Variants in AOPEP observed in about 807,000 individuals in gnomAD.
AOPEP encodes aminopeptidase O.
In AOPEP, 77 loss-of-function variants were observed where a neutral mutation model predicts 98.1. The ratio of observed to expected loss-of-function variants is 0.78; its 90% CI spans 0.65 to 0.95. AOPEP has a LOEUF of 0.95. Among genes scored for constraint, AOPEP ranks in the 40% least tolerant of loss-of-function variants. The pLI is 0.00. For missense variants in AOPEP, 1,024 were observed against 1,024.7 expected (o/e 1.00, Z 0.01); for synonymous variants, 346 against 365.3 (o/e 0.95, Z 0.60).
chr9:94,945,753 C>T (rs1261475821), intron 7 of AOPEP, among the ~76,000 whole-genome samples: 1 of 152,190 alleles, frequency 6.6e-6, no homozygotes, highest in Non-Finnish European at 1.5e-5. Context: ...TCAAAACGGG[C>T]TTCGAGCCTC....
At chr9:94,728,869 C>A (rs919936830) in intron 1 of AOPEP, among the ~76,000 whole-genome samples, 1 of 152,158 alleles carries the variant, frequency 6.6e-6, no homozygotes, top group Admixed American at 6.5e-5. Flanking sequence ...TGTGGAAGTT[C>A]TTGTGTGATG....
At chr9:94,739,165 T>C (rs765999309) in intron 1 of AOPEP, among the ~76,000 whole-genome samples, 1 of 151,998 alleles carries the variant, frequency 6.6e-6, no homozygotes, top group Non-Finnish European at 1.5e-5. Context: ...CACCCACCCA[T>C]CTCCTGGAAT....
chr9:95,094,695 C>A, the AOPEP span, among the ~76,000 whole-genome samples: 1 of 152,200 alleles, frequency 6.6e-6, no homozygotes, highest in Admixed American at 6.5e-5. Context: ...GAGACAGAGT[C>A]TCACTCTGCT....
At chr9:95,099,253 T>TATC in the AOPEP span, 2 of 219,060 alleles carry the variant, frequency 9.1e-6, no homozygotes, top group Non-Finnish European at 1.8e-5. Flanking sequence ...AAAACTAAAC[T>TATC]ATCAGGGAGA....
the AOPEP span, among the ~76,000 whole-genome samples, chr9:95,112,055 G>A: frequency 9.8e-5 from 15 of 152,318 alleles, 1 homozygote; most frequent in African/African-American, 2.4e-4. Context: ...CTGACAAGAC[G>A]CAAAGTTCAG....
chr9:94,753,963 GA>G (rs928308883), intron 1 of AOPEP, among the ~76,000 whole-genome samples: 1 of 152,140 alleles, frequency 6.6e-6, no homozygotes, highest in African/African-American at 2.4e-5. Context: ...TTGCAATCAA[GA>G]AAATTTTCAA....
chr9:95,116,084 C>A, the AOPEP span, among the ~76,000 whole-genome samples: 1 of 152,258 alleles, frequency 6.6e-6, no homozygotes, highest in African/African-American at 2.4e-5. Flanking sequence ...CATAAATCTA[C>A]AAGTTACACA....
intron 5 of AOPEP, among the ~76,000 whole-genome samples, chr9:94,872,014 GA>G (rs11394330): frequency 2.0e-5 from 3 of 151,480 alleles, no homozygotes; most frequent in Admixed American, 2.0e-4. Context: ...TCTCAAAGAA[GA>G]AAAAAAAGAC....
chr9:94,792,438 C>A (rs545043502), intron 3 of AOPEP, among the ~76,000 whole-genome samples: 1 of 151,996 alleles, frequency 6.6e-6, no homozygotes, highest in Non-Finnish European at 1.5e-5. Flanking sequence ...ATGAATGAGA[C>A]GTATTCTGTC....
At chr9:94,921,392 A>C (rs2053602351) in intron 5 of AOPEP, 3 of 152,264 alleles carry the variant, frequency 2.0e-5, no homozygotes. Flanking sequence ...GTGGGTGGAC[A>C]TGGGTAGATT....
At chr9:94,939,649 C>T (rs563806338) in intron 7 of AOPEP, among the ~76,000 whole-genome samples, 1 of 152,336 alleles carries the variant, frequency 6.6e-6, no homozygotes, top group South Asian at 2.1e-4. Flanking sequence ...TACCTGATCT[C>T]ATGTGATGGT....
chr9:94,815,842 CT>C (rs2134067720), intron 5 of AOPEP, among the ~76,000 whole-genome samples: 1 of 152,266 alleles, frequency 6.6e-6, no homozygotes, highest in African/African-American at 2.4e-5. Flanking sequence ...ACACTGGGTC[CT>C]TTCAGCCTTT....
chr9:95,073,524 C>T (rs1378877038), intron 14 of AOPEP, among the ~76,000 whole-genome samples: 1 of 151,388 alleles, frequency 6.6e-6, no homozygotes, highest in African/African-American at 2.4e-5. Flanking sequence ...GGGGCTCCCG[C>T]CTGTAATCCC....
chr9:94,916,710 T>TA (rs1554767812), intron 5 of AOPEP, among the ~76,000 whole-genome samples: 3 of 143,088 alleles, frequency 2.1e-5, no homozygotes, highest in African/African-American at 8.3e-5. Context: ...AAAAAAAAAA[T>TA]TAAATAAATA....
At chr9:94,792,454 AG>A (rs1845931840) in intron 3 of AOPEP, among the ~76,000 whole-genome samples, 1 of 152,092 alleles carries the variant, frequency 6.6e-6, no homozygotes, top group Non-Finnish European at 1.5e-5. Context: ...CTGTCTCTGT[AG>A]GAGCATACAG....
At chr9:95,050,120 G>A (rs1473329516) in intron 13 of AOPEP, among the ~76,000 whole-genome samples, 2 of 152,160 alleles carry the variant, frequency 1.3e-5, no homozygotes, top group Admixed American at 1.3e-4. Context: ...AGTTTCTGTC[G>A]TGATGGGCAG....
chr9:95,021,851 G>C (rs1257889414), intron 13 of AOPEP: 1 of 152,232 alleles, frequency 6.6e-6, no homozygotes, highest in East Asian at 1.9e-4. Context: ...CCCAGGGAGA[G>C]GCTCAGTGGG....
At chr9:94,790,285 G>GC (rs1845419548) in intron 3 of AOPEP, among the ~76,000 whole-genome samples, 1 of 151,966 alleles carries the variant, frequency 6.6e-6, no homozygotes, top group South Asian at 2.1e-4. Flanking sequence ...TCCTGCCTCA[G>GC]CCTCCCGAGT....
intron 1 of AOPEP, among the ~76,000 whole-genome samples, chr9:94,737,294 A>G (rs1267944077): frequency 6.6e-6 from 1 of 152,078 alleles, no homozygotes; most frequent in Non-Finnish European, 1.5e-5. Flanking sequence ...TCTTTTGTAG[A>G]GATGGGGGTC....
Sources: gnomAD v4.1 joint callset for allele counts (sites outside exome capture counted in the v4.1 genomes callset) on GRCh38, gnomAD v4.1.1 for gene constraint, MANE v1.5 for transcripts, NCBI Gene and HGNC (gene_info 2026-07-23, HGNC 2026-07-21) for gene names.